The following ALK variants were observed in gnomAD, a reference collection of about 807,000 sequenced individuals.
ALK encodes the protein ALK tyrosine kinase receptor.
Under a neutral mutation model 163.1 loss-of-function variants are expected in ALK, and 74 were observed. The ratio of observed to expected loss-of-function variants is 0.45; its 90% CI spans 0.38 to 0.55. The LOEUF (loss-of-function observed/expected upper bound fraction) is 0.55, where lower values mean the gene tolerates loss of function less well. Among genes scored for constraint, ALK ranks in the 20% least tolerant of loss-of-function variants. The pLI is 0.00. For missense variants in ALK, 2,063 were observed against 2,105.3 expected, an observed-to-expected ratio of 0.98 and a Z score of 0.39; for synonymous variants, 960 against 843.2, an observed-to-expected ratio of 1.14 and a Z score of -2.40.
At chr2:29,438,000 G>C (rs904813573) in intron 4 of ALK, among the ~76,000 whole-genome samples, 3 of 152,130 alleles carry the variant, frequency 2.0e-5, no homozygotes, top group Admixed American at 6.5e-5. Flanking sequence ...TCATTTTCCA[G>C]ATTAGGAATT....
At chr2:29,522,244 G>A (rs1437646439) in intron 4 of ALK, among the ~76,000 whole-genome samples, 1 of 152,130 alleles carries the variant, frequency 6.6e-6, no homozygotes, top group Non-Finnish European at 1.5e-5. Flanking sequence ...TAACCTCACT[G>A]AGCCTCAGCT....
chr2:29,319,685 G>A (rs1356326778), intron 7 of ALK, among the ~76,000 whole-genome samples: 3 of 152,210 alleles, frequency 2.0e-5, no homozygotes, highest in Non-Finnish European at 2.9e-5. Flanking sequence ...TGTCACTGGC[G>A]GTATTCCGCA....
chr2:29,458,342 G>A (rs575092302), intron 4 of ALK, among the ~76,000 whole-genome samples: 35 of 152,222 alleles, frequency 2.3e-4, no homozygotes, highest in Non-Finnish European at 4.4e-4. Flanking sequence ...CACACCCGGG[G>A]ACTTAGCTTC....
chr2:29,678,467 TTCATC>T (rs1023908714), intron 3 of ALK, among the ~76,000 whole-genome samples: 2 of 151,576 alleles, frequency 1.3e-5, no homozygotes, highest in African/African-American at 4.8e-5. Flanking sequence ...ACTTTTAAAT[TTCATC>T]TCATAAGTTT....
chr2:29,259,348 A>G (rs1263492571), intron 11 of ALK, among the ~76,000 whole-genome samples: 1 of 152,110 alleles, frequency 6.6e-6, no homozygotes, highest in African/African-American at 2.4e-5. Flanking sequence ...TAGCCATTAC[A>G]TATGCTTCTC....
intron 4 of ALK, among the ~76,000 whole-genome samples, chr2:29,485,957 G>A (rs1384111745): frequency 2.0e-5 from 3 of 152,154 alleles, no homozygotes; most frequent in Non-Finnish European, 4.4e-5. Flanking sequence ...ATCTTGGCTG[G>A]TCATCCTTAG....
At chr2:29,560,721 A>G (rs1673997603) in intron 3 of ALK, among the ~76,000 whole-genome samples, 1 of 151,884 alleles carries the variant, frequency 6.6e-6, no homozygotes, top group African/African-American at 2.4e-5. Context: ...ACAGGTGTAC[A>G]CTACCATGCC....
At chr2:29,854,221 A>G (rs933564814) in intron 1 of ALK, among the ~76,000 whole-genome samples, 1 of 151,472 alleles carries the variant, frequency 6.6e-6, no homozygotes, top group Admixed American at 6.6e-5. Flanking sequence ...TTGTATATGG[A>G]TTAATATAAT....
intron 3 of ALK, among the ~76,000 whole-genome samples, chr2:29,610,949 T>A (rs4635487): frequency 0.77 from 117,206 of 152,030 alleles, 45,323 homozygotes; most frequent in African/African-American, 0.84. Flanking sequence ...ATGAGAGGTG[T>A]CTGGGATCAT....
intron 4 of ALK, among the ~76,000 whole-genome samples, chr2:29,400,924 G>A (rs1478606516): frequency 6.6e-6 from 1 of 151,580 alleles, no homozygotes; most frequent in Admixed American, 6.6e-5. Flanking sequence ...GCGGTGAGCC[G>A]AAGTCGCACC....
At chr2:29,826,435 T>C (rs1343456461) in intron 1 of ALK, among the ~76,000 whole-genome samples, 1 of 148,804 alleles carries the variant, frequency 6.7e-6, no homozygotes, top group Non-Finnish European at 1.5e-5. Context: ...ACAGACAGCA[T>C]CACCAGTTGA....
At chr2:29,851,355 C>T (rs1665986616) in intron 1 of ALK, among the ~76,000 whole-genome samples, 1 of 152,200 alleles carries the variant, frequency 6.6e-6, no homozygotes, top group Non-Finnish European at 1.5e-5. Flanking sequence ...TCCTTGGCTC[C>T]TACCACACTG....
intron 3 of ALK, among the ~76,000 whole-genome samples, chr2:29,689,867 G>A (rs954512430): frequency 6.6e-6 from 1 of 152,132 alleles, no homozygotes; most frequent in Non-Finnish European, 1.5e-5. Flanking sequence ...CAGAGGAAGA[G>A]TTTGGAGTGA....
chr2:29,894,891 T>G (rs1053116543), intron 1 of ALK, among the ~76,000 whole-genome samples: 11 of 151,784 alleles, frequency 7.2e-5, no homozygotes, highest in Non-Finnish European at 1.5e-4. Context: ...GACATACTCC[T>G]CTTAAATGCA....
At chr2:29,244,875 AC>A (rs1275728849) in intron 12 of ALK, among the ~76,000 whole-genome samples, 2 of 152,218 alleles carry the variant, frequency 1.3e-5, no homozygotes, top group African/African-American at 4.8e-5. Context: ...CTGTTATTAA[AC>A]TTTTCTGTCC....
rs748501104 is a variant in ALK at position 29,318,372 on chromosome 2, G to A, written c.1579C>T (p.Pro527Ser). 4.3e-6 allele frequency: 7 copies of A among 1,613,864 alleles called. No individual in the cohort carries two copies. In the South Asian group the frequency reaches 7.7e-5, roughly 18 times the overall value. The change falls in exon 8 of 29, where the codon CCC (proline) becomes TCC (serine). Residue 527 changes from proline (P) to serine (S), a missense_variant. Coordinates refer to ENST00000389048, the MANE Select transcript of ALK (RefSeq NM_004304.5). ...GTCACTGTAGCACTTTCAGAAGCGGGGACATCAGTGGTACTGAGCAATAGA... is the reference window on the plus strand; with the variant it reads ...GTCACTGTAGCACTTTCAGAAGCGGAGACATCAGTGGTACTGAGCAATAGA... ...HALLLSTTDV[P>S]ASESATVTSA...
chr2:29,858,353 C>A (rs1268373918), intron 1 of ALK, among the ~76,000 whole-genome samples: 1 of 152,086 alleles, frequency 6.6e-6, no homozygotes, highest in Non-Finnish European at 1.5e-5. Context: ...TGAGGAACAT[C>A]CCTTAGGGTG....
intron 25 of ALK, chr2:29,208,126 A>G (rs949396531): frequency 9.1e-6 from 4 of 440,620 alleles, no homozygotes; most frequent in Admixed American, 7.1e-5. Context: ...ATATATATGC[A>G]TTGCAATATA....
chr2:29,727,576 G>T (rs934879324), intron 1 of ALK, among the ~76,000 whole-genome samples: 1 of 152,192 alleles, frequency 6.6e-6, no homozygotes, highest in South Asian at 2.1e-4. Flanking sequence ...GATGCTCAAA[G>T]AATTAATGAG....
Sources: gnomAD v4.1 joint callset for allele counts (sites outside exome capture counted in the v4.1 genomes callset) on GRCh38, gnomAD v4.1.1 for gene constraint, MANE v1.5 for transcripts, NCBI Gene and HGNC (gene_info 2026-07-23, HGNC 2026-07-21) for gene names.